The following ITGA1 variants were observed in gnomAD, a reference collection of about 807,000 sequenced individuals.
ITGA1 encodes integrin subunit alpha 1.
In ITGA1, 85 loss-of-function variants were observed where a neutral mutation model predicts 145.9. That is an observed-to-expected ratio of 0.58 (90% CI 0.49 to 0.70). The LOEUF (loss-of-function observed/expected upper bound fraction) is 0.70, where lower values mean the gene tolerates loss of function less well. Among genes scored for constraint, ITGA1 ranks in the 30% least tolerant of loss-of-function variants. The probability of loss-of-function intolerance (pLI) is 0.00; values close to 1 mark genes in which losing one functional copy is unlikely to be tolerated. For synonymous variants in ITGA1, 520 were observed against 495.3 expected, an observed-to-expected ratio of 1.05 and a Z score of -0.66; for missense variants, 1,351 against 1,418.7, an observed-to-expected ratio of 0.95 and a Z score of 0.77.
At chr5:52,807,475 T>G (rs556288398) in intron 1 of ITGA1, among the ~76,000 whole-genome samples, 1 of 152,286 alleles carries the variant, frequency 6.6e-6, no homozygotes, top group African/African-American at 2.4e-5. Context: ...GTGGGTGTGA[T>G]GAGGTGCTCC....
chr5:52,937,799 G>A (rs1050133193), intron 24 of ITGA1, among the ~76,000 whole-genome samples: 5 of 152,154 alleles, frequency 3.3e-5, no homozygotes, highest in African/African-American at 9.7e-5. Flanking sequence ...TCCCTCTGGA[G>A]GCTCCAAGAG....
At chr5:52,791,562 C>G (rs11750032) in intron 1 of ITGA1, among the ~76,000 whole-genome samples, 1 of 152,168 alleles carries the variant, frequency 6.6e-6, no homozygotes, top group Admixed American at 6.5e-5. Flanking sequence ...ATCCAACCTT[C>G]CAGAGAACAA....
chr5:52,791,497 T>C (rs1748239644), intron 1 of ITGA1, among the ~76,000 whole-genome samples: 1 of 152,188 alleles, frequency 6.6e-6, no homozygotes, highest in Non-Finnish European at 1.5e-5. Context: ...CCTCCTTTCC[T>C]CCCACCCTCT....
chr5:52,838,489 GACCACTTGT>G (rs1749198958), intron 1 of ITGA1, among the ~76,000 whole-genome samples: 1 of 152,068 alleles, frequency 6.6e-6, no homozygotes, highest in African/African-American at 2.4e-5. Context: ...GTTAATGATT[GACCACTTGT>G]GTGTTAAACC....
In ITGA1 at chr5:52,909,032, T is replaced by A. The variant is rs200061324; in HGVS notation, c.1590T>A (p.Ala530=). Residue 530 remains alanine (A), a synonymous_variant, in exon 13 of 29, where the codon GCT becomes GCA. Coordinates refer to ENST00000282588, the MANE Select transcript of ITGA1 (RefSeq NM_181501.2). ...KEEQGKVYVY[A]LNQTRFEYQM... is the part of the protein sequence containing the mutation. ...AGCAAGGAAAAGTGTATGTGTATGCTCTCAATCAGGTAATGGTGTCTGAGT... is the reference window on the plus strand; with the variant it reads ...AGCAAGGAAAAGTGTATGTGTATGCACTCAATCAGGTAATGGTGTCTGAGT... 228 of 1,613,522 alleles carry A rather than the reference T, an allele frequency of 1.4e-4. No homozygotes were observed. The highest frequency in any genetic ancestry group is 1.8e-4 in the Non-Finnish European group (210 of 1,179,722).
chr5:52,865,229 A>G, intron 5 of ITGA1, 147 bp downstream of exon 5: 1 of 601,484 alleles, frequency 1.7e-6, no homozygotes, highest in Non-Finnish European at 2.8e-6. Context: ...CTTTGCCAGT[A>G]TATAACAAAA....
At chr5:52,942,160 C>T (rs893743899) in intron 26 of ITGA1, among the ~76,000 whole-genome samples, 3 of 152,152 alleles carry the variant, frequency 2.0e-5, no homozygotes, top group African/African-American at 7.2e-5. Flanking sequence ...CAGTATCATA[C>T]TGTTTTGATT....
intron 1 of ITGA1, among the ~76,000 whole-genome samples, chr5:52,847,706 C>T (rs1199239954): frequency 6.6e-6 from 1 of 152,158 alleles, no homozygotes; most frequent in Admixed American, 6.5e-5. Context: ...GGGCATGCCA[C>T]CACACCTGGC....
At position 52,897,512 on chromosome 5, in the gene ITGA1, G is replaced by A; in HGVS notation, c.1148G>A (p.Ser383Asn). Reference protein sequence around the residue: ...FEMEMSQTGFSAHYSQDWVML... With the variant: ...FEMEMSQTGFNAHYSQDWVML... Reference sequence around the variant, plus strand: ...ATGGAAATGTCTCAGACTGGCTTCAGTGCTCATTATTCACAGGTATGTTGA... The same window carrying A: ...ATGGAAATGTCTCAGACTGGCTTCAATGCTCATTATTCACAGGTATGTTGA... The change falls in exon 10 of 29, where the codon AGT (serine) becomes AAT (asparagine). Residue 383 changes from serine (S) to asparagine (N), a missense_variant. Ser to Asn is a conservative substitution (Grantham distance 46, BLOSUM62 1). Coordinates refer to ENST00000282588, the MANE Select transcript of ITGA1 (RefSeq NM_181501.2). 6.2e-7 allele frequency: 1 copy of A among 1,612,972 alleles called. No homozygotes were observed. Among genetic ancestry groups the A allele is most frequent in the Non-Finnish European group, 8.5e-7 (1 of 1,179,140 alleles).
chr5:52,821,494 T>G (rs1748878400), intron 1 of ITGA1, among the ~76,000 whole-genome samples: 1 of 152,192 alleles, frequency 6.6e-6, no homozygotes, highest in Admixed American at 6.6e-5. Context: ...GATGTCACTA[T>G]AATACATAAG....
At chr5:52,851,515 G>A (rs1421875815) in intron 2 of ITGA1, among the ~76,000 whole-genome samples, 1 of 152,102 alleles carries the variant, frequency 6.6e-6, no homozygotes, top group Admixed American at 6.6e-5. Flanking sequence ...TCCTTCCTAA[G>A]GTTATTCTAT....
intron 9 of ITGA1, 95 bp downstream of exon 9, chr5:52,893,935 T>TA (rs1750188474): frequency 1.5e-5 from 2 of 136,740 alleles, no homozygotes; most frequent in East Asian, 4.6e-4. Context: ...TCAGTAATAC[T>TA]TTTTTTTTTT....
At chr5:52,837,516 TC>T (rs1220501972) in intron 1 of ITGA1, among the ~76,000 whole-genome samples, 1 of 152,130 alleles carries the variant, frequency 6.6e-6, no homozygotes, top group Non-Finnish European at 1.5e-5. Context: ...CCCTATTTTT[TC>T]CTCCCCTTCT....
intron 1 of ITGA1, among the ~76,000 whole-genome samples, chr5:52,792,701 A>C (rs1255731050): frequency 6.6e-6 from 1 of 152,180 alleles, no homozygotes; most frequent in African/African-American, 2.4e-5. Flanking sequence ...CATGTTTAAA[A>C]TATATTTAGA....
intron 3 of ITGA1, chr5:52,864,016 A>G (rs1370829025): frequency 6.6e-6 from 1 of 152,202 alleles, no homozygotes; most frequent in Non-Finnish European, 1.5e-5. Context: ...TCTGGAACAA[A>G]CAGTGAGACA....
At chr5:52,911,989 A>ATC (rs1561246760) in intron 14 of ITGA1, among the ~76,000 whole-genome samples, 331 of 60,622 alleles carry the variant, frequency 5.5e-3, no homozygotes, top group African/African-American at 0.022. Flanking sequence ...TACTATATGT[A>ATC]TAGTGTGTAT....
At chr5:52,798,812 CTT>C (rs1386887603) in intron 1 of ITGA1, among the ~76,000 whole-genome samples, 2 of 152,088 alleles carry the variant, frequency 1.3e-5, no homozygotes, top group East Asian at 3.9e-4. Flanking sequence ...CATAGAAACA[CTT>C]TATGGTAAAG....
chr5:52,886,433 T>C (rs1290755001), intron 7 of ITGA1, among the ~76,000 whole-genome samples: 2 of 152,246 alleles, frequency 1.3e-5, no homozygotes, highest in African/African-American at 4.8e-5. Flanking sequence ...CTTTGGAATG[T>C]TAGCTTAAGA....
intron 11 of ITGA1, chr5:52,903,565 T>C (rs908354965): frequency 6.6e-6 from 1 of 152,242 alleles, no homozygotes; most frequent in Non-Finnish European, 1.5e-5. Context: ...ATAAACATAC[T>C]GTATAAAAAC....
Sources: allele counts gnomAD v4.1 joint callset (sites outside exome capture counted in the v4.1 genomes callset), GRCh38; gene constraint gnomAD v4.1.1; transcripts MANE v1.5; gene names NCBI Gene and HGNC (gene_info 2026-07-23, HGNC 2026-07-21).